MED12L: variants seen among roughly 807,000 people sequenced by gnomAD.
MED12L encodes mediator complex subunit 12L, also known as mediator of RNA polymerase II transcription subunit 12-like protein.
MED12L carries 60 observed loss-of-function variants against 281.3 expected under a neutral mutation model. The observed-to-expected ratio is 0.21, with a 90% CI of 0.17 to 0.26. The LOEUF (loss-of-function observed/expected upper bound fraction) is 0.26. MED12L is among the 10% of genes least tolerant of loss of function. The pLI, the probability that MED12L is intolerant of heterozygous loss-of-function variation, is 1.00. For missense variants in MED12L, 2,146 were observed against 2,680.9 expected (o/e 0.80, Z 4.41); for synonymous variants, 974 against 987.2 (o/e 0.99, Z 0.25).
intron 6 of MED12L, 84 bp from the exon 7 acceptor site, chr3:151,158,605 T>G: frequency 2.5e-6 from 2 of 808,444 alleles, no homozygotes; most frequent in South Asian, 1.6e-5. Flanking sequence ...AGTAGTACAG[T>G]TAGACTTAAG....
chr3:151,234,925 A>G (rs1377763899), intron 16 of MED12L, among the ~76,000 whole-genome samples: 1 of 152,216 alleles, frequency 6.6e-6, no homozygotes, highest in Non-Finnish European at 1.5e-5. Context: ...TCCAGCCTGA[A>G]GCAGCAAACG....
intron 43 of MED12L, among the ~76,000 whole-genome samples, chr3:151,429,960 T>C (rs1719295117): frequency 6.6e-6 from 1 of 152,196 alleles, no homozygotes; most frequent in African/African-American, 2.4e-5. Context: ...CCAGTATTAA[T>C]ATCATGATAC....
chr3:151,413,054 T>G, intron 41 of MED12L, 85 bp from the exon 42 acceptor site: 1 of 1,440,952 alleles, frequency 6.9e-7, no homozygotes, highest in South Asian at 1.4e-5. Context: ...TGTTTCTTGG[T>G]TGGTGTATGT....
chr3:151,105,289 C>G (rs957833181), intron 2 of MED12L, among the ~76,000 whole-genome samples: 3 of 152,198 alleles, frequency 2.0e-5, no homozygotes, highest in Non-Finnish European at 2.9e-5. Flanking sequence ...ACCAAGCTCT[C>G]ACATCTTAGA....
chr3:151,109,380 A>G (rs1056427400), intron 2 of MED12L, among the ~76,000 whole-genome samples: 14 of 152,208 alleles, frequency 9.2e-5, no homozygotes, highest in Admixed American at 9.2e-4. Context: ...AGAATACAAA[A>G]ATACAGAGTG....
At position 151,127,966 on chromosome 3, in the gene MED12L, G is replaced by C. The variant is rs770191959; in HGVS notation, c.538G>C (p.Ala180Pro). The C allele has an allele frequency of 6.3e-5, 102 of 1,610,910 alleles. No individual in the cohort carries two copies. The highest frequency in any genetic ancestry group is 8.5e-5 in the Non-Finnish European group (100 of 1,179,236). The stretch of plus-strand genomic sequence containing the variant: ...TGAAGCTAAAATTAAGAAACGTCAG[G>C]CTCCTGATCCGAATTTGGGTAAGTG... Reference protein sequence around the residue: ...ISEAKIKKRQAPDPNLEWTQI... With the variant: ...ISEAKIKKRQPPDPNLEWTQI... The change falls in exon 5 of 45, where the codon GCT (alanine) becomes CCT (proline). Residue 180 changes from alanine to proline, a missense_variant. Physicochemically the swap from Ala to Pro is conservative, Grantham distance 27 (BLOSUM62 -1). This residue lies in a region of MED12L where 722 missense variants were observed against 861.2 expected (regional missense o/e 0.84). Transcript: ENST00000687756.
In MED12L at chr3:151,301,102, A is replaced by C. The variant is rs374281136; in HGVS notation, c.2251-48957A>C. ...GAAGTCAGAAAGTGTTTTTTTGGTTAATGCAGCATAGGCAATGATTAAGGC... is the reference window on the plus strand; with the variant it reads ...GAAGTCAGAAAGTGTTTTTTTGGTTCATGCAGCATAGGCAATGATTAAGGC... On this transcript the variant is annotated intron_variant, in intron 16 of 44. Coordinates refer to ENST00000687756, the MANE Select transcript of MED12L (RefSeq NM_001393769.1). Among the ~76,000 whole-genome samples the C allele has an allele frequency of 3.5e-3, 539 of 152,276 alleles. 30 individuals are homozygous for C. In the South Asian group the frequency reaches 0.11, roughly 31 times the overall value.
chr3:151,304,022 A>C (rs964758766), intron 16 of MED12L, among the ~76,000 whole-genome samples: 2 of 152,184 alleles, frequency 1.3e-5, no homozygotes, highest in Admixed American at 6.5e-5. Flanking sequence ...ACTGGATGGG[A>C]TTCAGCAACA....
At chr3:151,190,614 A>C in intron 13 of MED12L, 103 bp from the exon 14 acceptor site, 4 of 1,058,464 alleles carry the variant, frequency 3.8e-6, no homozygotes, top group Non-Finnish European at 5.5e-6. Context: ...TTTTTTCCCC[A>C]GAAAAGTTGA....
intron 1 of MED12L, chr3:151,086,484 T>TG (rs1719215829): frequency 6.6e-6 from 1 of 151,962 alleles, no homozygotes. Context: ...AGAAAAGTTT[T>TG]TTTTTTTTTT....
intron 31 of MED12L, 90 bp downstream of exon 31, chr3:151,378,263 A>AC: frequency 1.6e-6 from 2 of 1,275,350 alleles, no homozygotes; most frequent in African/African-American, 1.5e-5. Context: ...CACTGTACCC[A>AC]CAGTCCACTG....
At chr3:151,374,619 T>A (rs1247436010) in intron 27 of MED12L, among the ~76,000 whole-genome samples, 1 of 152,166 alleles carries the variant, frequency 6.6e-6, no homozygotes, top group Non-Finnish European at 1.5e-5. Flanking sequence ...CCTAAAAGGC[T>A]TTGAAGATTT....
chr3:151,372,579 T>C lies in MED12L; in HGVS notation c.3677T>C (p.Ile1226Thr). 6.2e-7 allele frequency: 1 copy of C among 1,613,708 alleles called. No homozygotes were observed. Among genetic ancestry groups the C allele is most frequent in the Non-Finnish European group, 8.5e-7 (1 of 1,179,708 alleles). The change falls in exon 27 of 45, where the codon ATT (isoleucine) becomes ACT (threonine). Residue 1226 changes from isoleucine (I) to threonine (T), a missense_variant. By Grantham distance (89) the Ile-to-Thr change is moderately conservative. This residue lies in a region of MED12L where 235 missense variants were observed against 260.3 expected (regional missense o/e 0.90). Coordinates refer to ENST00000687756, the MANE Select transcript of MED12L (RefSeq NM_001393769.1). Reference sequence around the variant, plus strand: ...TTCTATTACTTAGGAGATGCCAAAATTGGCAATAACAGTGTCAGCTCTTTA... The same window carrying C: ...TTCTATTACTTAGGAGATGCCAAAACTGGCAATAACAGTGTCAGCTCTTTA... ...KAIMMLGDAKIGNNSVSSLKN... is the reference protein window; with the variant it reads ...KAIMMLGDAKTGNNSVSSLKN...
At chr3:151,313,922 CA>C (rs62708661) in intron 16 of MED12L, among the ~76,000 whole-genome samples, 9,185 of 143,298 alleles carry the variant, frequency 0.064, 301 homozygotes, top group Non-Finnish European at 0.073. Flanking sequence ...GACTCCGTCT[CA>C]AAAAAAAAAA....
intron 17 of MED12L, among the ~76,000 whole-genome samples, chr3:151,352,978 T>C (rs1753428744): frequency 6.6e-6 from 1 of 152,226 alleles, no homozygotes; most frequent in South Asian, 2.1e-4. Context: ...TAAATATCAT[T>C]AAAATAAAGT....
At chr3:151,398,075 CTG>C (rs548976628) in intron 39 of MED12L, among the ~76,000 whole-genome samples, 82 of 152,186 alleles carry the variant, frequency 5.4e-4, no homozygotes, top group Non-Finnish European at 9.8e-4. Flanking sequence ...ACGGTACAAT[CTG>C]TGAGCTGTGT....
chr3:151,287,835 T>C (rs1577237041), intron 16 of MED12L, among the ~76,000 whole-genome samples: 1 of 152,254 alleles, frequency 6.6e-6, no homozygotes, highest in African/African-American at 2.4e-5. Flanking sequence ...TCTACAGTTA[T>C]CTTTCAAATA....
At chr3:151,416,213 C>A (rs1018526298) in intron 42 of MED12L, 99 bp from the exon 43 acceptor site, 31 of 1,597,604 alleles carry the variant, frequency 1.9e-5, no homozygotes, top group Non-Finnish European at 2.6e-5. Flanking sequence ...GTTTTTACTA[C>A]AACATAAAAA....
chr3:151,182,145 A>G (rs906029305), intron 11 of MED12L, among the ~76,000 whole-genome samples: 1 of 152,208 alleles, frequency 6.6e-6, no homozygotes, highest in South Asian at 2.1e-4. Flanking sequence ...CAGGAGCATT[A>G]TTTAGAGATT....
Sources: allele counts gnomAD v4.1 joint callset (sites outside exome capture counted in the v4.1 genomes callset), GRCh38; gene constraint gnomAD v4.1.1; regional missense constraint gnomAD v4.1.1; transcripts MANE v1.5; gene names NCBI Gene and HGNC (gene_info 2026-07-23, HGNC 2026-07-21).